COP1: variants seen among roughly 807,000 people sequenced by gnomAD.
COP1 encodes the protein E3 ubiquitin-protein ligase COP1.
In COP1, 24 loss-of-function variants were observed where a neutral mutation model predicts 101.3. The observed-to-expected ratio is 0.24, with a 90% CI of 0.17 to 0.33. The LOEUF is 0.33. COP1 is among the 10% of genes least tolerant of loss of function. COP1 has a pLI of 1.00. For synonymous variants in COP1, 347 were observed against 341.9 expected (o/e 1.01, Z -0.17); for missense variants, 663 against 906.2 (o/e 0.73, Z 3.45).
At chr1:176,134,408 T>C (rs1214674743) in intron 8 of COP1, among the ~76,000 whole-genome samples, 1 of 152,020 alleles carries the variant, frequency 6.6e-6, no homozygotes, top group Non-Finnish European at 1.5e-5. Context: ...AACACACACA[T>C]TCACCATGCT....
intron 5 of COP1, among the ~76,000 whole-genome samples, chr1:176,152,345 T>C (rs1692746825): frequency 6.6e-6 from 1 of 152,060 alleles, no homozygotes; most frequent in Non-Finnish European, 1.5e-5. Flanking sequence ...TTCTGGAAAA[T>C]TGATATCAGG....
intron 18 of COP1, among the ~76,000 whole-genome samples, chr1:175,981,267 G>A (rs904936645): frequency 1.3e-5 from 2 of 152,114 alleles, no homozygotes; most frequent in South Asian, 4.1e-4. Context: ...GTTTGCAAAT[G>A]TTTTCCTTCC....
chr1:176,143,154 G>C (rs1303328062), intron 6 of COP1, among the ~76,000 whole-genome samples: 3 of 147,050 alleles, frequency 2.0e-5, no homozygotes, highest in Non-Finnish European at 4.5e-5. Flanking sequence ...GAAAGAGAGA[G>C]AGAGAGAGAG....
At chr1:176,097,774 C>A (rs1047138472) in intron 9 of COP1, among the ~76,000 whole-genome samples, 6 of 146,210 alleles carry the variant, frequency 4.1e-5, no homozygotes, top group Non-Finnish European at 6.0e-5. Context: ...GAGGCTGAGG[C>A]GGGACAATCG....
chr1:175,992,832 G>C (rs901546386), intron 15 of COP1, among the ~76,000 whole-genome samples: 17 of 152,198 alleles, frequency 1.1e-4, no homozygotes, highest in African/African-American at 3.9e-4. Flanking sequence ...CAGACAAAAA[G>C]ACAGCAGTAA....
chr1:176,019,644 T>C (rs1486197618), intron 15 of COP1, among the ~76,000 whole-genome samples: 1 of 151,708 alleles, frequency 6.6e-6, no homozygotes, highest in Non-Finnish European at 1.5e-5. Flanking sequence ...GCAGATTGCC[T>C]GAGCCCAGGA....
At chr1:175,954,094 T>G (rs6680309) in intron 18 of COP1, among the ~76,000 whole-genome samples, 16,384 of 152,198 alleles carry the variant, frequency 0.11, 971 homozygotes, top group Middle Eastern at 0.16. Flanking sequence ...CATACAAGTA[T>G]GTTCTCTGAA....
At chr1:176,081,355 A>G (rs1023914585) in intron 10 of COP1, 68 bp from the exon 11 acceptor site, 1 of 1,247,630 alleles carries the variant, frequency 8.0e-7, no homozygotes, top group Non-Finnish European at 1.1e-6. Flanking sequence ...AAAGAGCCAC[A>G]TCCACAAATT....
At chr1:176,077,114 A>T (rs1185186961) in intron 11 of COP1, among the ~76,000 whole-genome samples, 2 of 152,190 alleles carry the variant, frequency 1.3e-5, no homozygotes, top group African/African-American at 4.8e-5. Context: ...CTTCTCCCTA[A>T]TTTATTCTAT....
At chr1:176,127,626 C>G (rs1171203253) in intron 8 of COP1, among the ~76,000 whole-genome samples, 1 of 148,780 alleles carries the variant, frequency 6.7e-6, no homozygotes, top group Non-Finnish European at 1.5e-5. Flanking sequence ...TATATATATA[C>G]ATACAATATA....
intron 3 of COP1, among the ~76,000 whole-genome samples, chr1:176,175,318 CACATCCAGTCTGTCATCT>C (rs1241891724): frequency 6.6e-6 from 1 of 152,222 alleles, no homozygotes; most frequent in Non-Finnish European, 1.5e-5. Flanking sequence ...TGTTAAACCT[CACATCCAGTCTGTCATCT>C]ACATCAGCAG....
chr1:176,176,605 G>A lies in COP1; in HGVS notation c.468-598C>T, dbSNP rs1032390754. On this transcript the variant is annotated intron_variant, in intron 2 of 19. Coordinates refer to ENST00000367669, the MANE Select transcript of COP1 (RefSeq NM_022457.7). ...AGGCAGAGGCAGGAAGATCACTTGA[G>A]GCCAAGAGTTCAAGACCAGCCTGGG... Among the ~76,000 whole-genome samples, 5 of 152,170 alleles carry A rather than the reference G, an allele frequency of 3.3e-5. No homozygotes were observed. The South Asian group carries it at 1.0e-3, about 32-fold the overall frequency.
intron 11 of COP1, among the ~76,000 whole-genome samples, chr1:176,071,371 A>C (rs1676974814): frequency 6.6e-6 from 1 of 152,054 alleles, no homozygotes; most frequent in Admixed American, 6.6e-5. Context: ...AAACCAATTA[A>C]ACCTCTTCTC....
At chr1:176,189,347 G>T (rs964132892) in intron 1 of COP1, among the ~76,000 whole-genome samples, 5 of 151,372 alleles carry the variant, frequency 3.3e-5, no homozygotes, top group Non-Finnish European at 5.9e-5. Context: ...TATTTTTCTG[G>T]CTTGCTTTCA....
At chr1:176,155,198 A>T (rs957957975) in intron 5 of COP1, among the ~76,000 whole-genome samples, 57 of 152,106 alleles carry the variant, frequency 3.7e-4, no homozygotes, top group African/African-American at 1.2e-3. Context: ...TAAATCAAAA[A>T]ATGCGTACTA....
chr1:176,121,047 ATTTT>A (rs34962929), intron 8 of COP1, among the ~76,000 whole-genome samples: 1 of 151,640 alleles, frequency 6.6e-6, no homozygotes, highest in Non-Finnish European at 1.5e-5. Flanking sequence ...ATTATCATTG[ATTTT>A]TTTTGCTATA....
chr1:176,118,981 A>G (rs1572350983), intron 8 of COP1, among the ~76,000 whole-genome samples: 1 of 152,358 alleles, frequency 6.6e-6, no homozygotes, highest in South Asian at 2.1e-4. Flanking sequence ...AGCACACAAA[A>G]AACAAAAACC....
intron 18 of COP1, among the ~76,000 whole-genome samples, chr1:175,970,534 T>C (rs541035646): frequency 1.3e-5 from 2 of 152,242 alleles, no homozygotes; most frequent in East Asian, 3.9e-4. Context: ...GATCAGGAAA[T>C]AGAGCAGTTA....
intron 5 of COP1, among the ~76,000 whole-genome samples, chr1:176,161,426 AAAAAAT>A (rs888552475): frequency 2.2e-4 from 33 of 152,186 alleles, no homozygotes; most frequent in African/African-American, 7.0e-4. Flanking sequence ...CTGTATCTAC[AAAAAAT>A]AAAAATAAAA....
Sources: allele counts gnomAD v4.1 joint callset (sites outside exome capture counted in the v4.1 genomes callset), GRCh38; gene constraint gnomAD v4.1.1; transcripts MANE v1.5; gene names NCBI Gene and HGNC (gene_info 2026-07-23, HGNC 2026-07-21).